Variants in RNF150 observed in about 807,000 individuals in gnomAD.
RNF150 encodes the protein ring finger protein 150.
RNF150 carries 24 observed loss-of-function variants against 39.3 expected under a neutral mutation model. That is an observed-to-expected ratio of 0.61 (90% CI 0.44 to 0.86). The LOEUF (loss-of-function observed/expected upper bound fraction) is 0.86. Among genes scored for constraint, RNF150 ranks in the 40% least tolerant of loss-of-function variants. The probability of loss-of-function intolerance (pLI) is 0.00; values close to 1 mark genes in which losing one functional copy is unlikely to be tolerated. For missense variants in RNF150, 502 were observed against 587.8 expected (o/e 0.85, Z 1.51); for synonymous variants, 255 against 227.3 (o/e 1.12, Z -1.10).
chr4:141,120,215 A>G (rs1328989596), intron 1 of RNF150, among the ~76,000 whole-genome samples: 2 of 152,236 alleles, frequency 1.3e-5, no homozygotes, highest in African/African-American at 4.8e-5. Flanking sequence ...TCTAGTAGTG[A>G]TAAGATAAGG....
intron 1 of RNF150, among the ~76,000 whole-genome samples, chr4:141,047,309 G>C (rs1736617907): frequency 1.3e-5 from 2 of 152,178 alleles, no homozygotes; most frequent in South Asian, 4.2e-4. Flanking sequence ...CCTACTGAAG[G>C]TATTTCGACC....
In RNF150 at chr4:140,861,449, G is replaced by A. The variant is rs921689441; in HGVS notation, c.*6812C>T. The A allele has an allele frequency of 7.9e-5, 12 of 152,144 alleles. No individual in the cohort carries two copies. The highest frequency in any genetic ancestry group is 7.2e-5 in the African/African-American group (3 of 41,434). 9.4% of individuals were successfully genotyped at this position (152,144 alleles called of 1,614,324 possible). On this transcript the variant is annotated 3_prime_UTR_variant, in exon 7 of 7. Transcript: ENST00000515673. ...AATGTAGACCAAATTCTCAACTACCGAAGAAATTGTATGATGAAAGGCAAG... is the reference window on the plus strand; with the variant it reads ...AATGTAGACCAAATTCTCAACTACCAAAGAAATTGTATGATGAAAGGCAAG...
At chr4:140,878,164 GTT>G (rs58338048) in intron 6 of RNF150, among the ~76,000 whole-genome samples, 1,227 of 90,424 alleles carry the variant, frequency 0.014, 12 homozygotes, top group African/African-American at 0.043. Context: ...ATCTCATTGT[GTT>G]TTTTTTTTTT....
rs145137157 is a variant in RNF150 at position 141,128,875 on chromosome 4, A to G, written c.484+3450T>C. On this transcript the variant is annotated intron_variant, in intron 1 of 6. Transcript: ENST00000515673. ...AGAAAAAAACAAGACTATGTTAAAA[A>G]GTAACAGTTAGTCATCAGGGAAATG... 6.5e-3 allele frequency among the ~76,000 whole-genome samples: 987 copies of G among 152,370 alleles called. 10 individuals carry two copies. The highest frequency in any genetic ancestry group is 0.022 in the African/African-American group (913 of 41,584).
chr4:140,887,571 G>C (rs374285502), intron 6 of RNF150, among the ~76,000 whole-genome samples: 1 of 152,056 alleles, frequency 6.6e-6, no homozygotes, highest in Non-Finnish European at 1.5e-5. Flanking sequence ...GTAGGTCGAC[G>C]CATCAACATT....
At chr4:141,148,888 G>T (rs1727248260) in intron 1 of RNF150, among the ~76,000 whole-genome samples, 7 of 152,168 alleles carry the variant, frequency 4.6e-5, no homozygotes, top group Non-Finnish European at 8.8e-5. Flanking sequence ...GCAGAAGGGG[G>T]TTGATTCCAT....
intron 1 of RNF150, among the ~76,000 whole-genome samples, chr4:141,123,902 T>C (rs1489395551): frequency 6.6e-6 from 1 of 152,234 alleles, no homozygotes; most frequent in Non-Finnish European, 1.5e-5. Context: ...TATGGCTGCA[T>C]AGTATTCCAT....
At chr4:141,133,815 G>T (rs1278513997), upstream of RNF150, among the ~76,000 whole-genome samples, 1 of 152,132 alleles carries the variant, frequency 6.6e-6, no homozygotes. Flanking sequence ...TGGTATTGAG[G>T]TCCTTCCAAA....
At chr4:141,048,965 C>G (rs1381790393) in intron 1 of RNF150, among the ~76,000 whole-genome samples, 1 of 152,130 alleles carries the variant, frequency 6.6e-6, no homozygotes, top group Non-Finnish European at 1.5e-5. Flanking sequence ...GTGAGAGCAG[C>G]AGTCAGGCCT....
chr4:141,051,380 A>G (rs1308408421), intron 1 of RNF150, among the ~76,000 whole-genome samples: 15 of 152,200 alleles, frequency 9.9e-5, no homozygotes, highest in Non-Finnish European at 2.1e-4. Context: ...TTCTCCTCAG[A>G]AAATGAGATT....
rs539616483 is a variant in RNF150, at chr4:141,061,734, A to G, written c.484+70591T>C. ...CTAAAGAGCACAGTAGCAACTACAC[A>G]CAAAAAAATTAAGACATAATATACT... On this transcript the variant is annotated intron_variant, in intron 1 of 6. Coordinates refer to ENST00000515673, the MANE Select transcript of RNF150 (RefSeq NM_020724.2). Among the ~76,000 whole-genome samples, 137 of 152,312 alleles carry G rather than the reference A, an allele frequency of 9.0e-4. 2 individuals are homozygous for G. The highest frequency in any genetic ancestry group is 3.0e-3 in the African/African-American group (123 of 41,586).
chr4:141,106,335 A>G (rs1195919496), intron 1 of RNF150, among the ~76,000 whole-genome samples: 1 of 152,228 alleles, frequency 6.6e-6, no homozygotes, highest in Non-Finnish European at 1.5e-5. Context: ...CACCTGGTAC[A>G]TAGTAGGTGT....
intron 1 of RNF150, among the ~76,000 whole-genome samples, chr4:141,162,321 G>T (rs535901550): frequency 9.1e-4 from 138 of 152,296 alleles, no homozygotes; most frequent in African/African-American, 3.2e-3. Context: ...GTAACCACTT[G>T]CATTTGGCTG....
At chr4:140,974,571 C>T (rs755711858) in intron 1 of RNF150, among the ~76,000 whole-genome samples, 5 of 152,140 alleles carry the variant, frequency 3.3e-5, no homozygotes, top group Admixed American at 2.0e-4. Context: ...TTCTAAGAAA[C>T]GGACAAACTG....
chr4:141,035,221 A>G (rs1043253931), intron 1 of RNF150, among the ~76,000 whole-genome samples: 1 of 152,192 alleles, frequency 6.6e-6, no homozygotes, highest in South Asian at 2.1e-4. Flanking sequence ...GTTTACTTAA[A>G]ATTAGGTTGT....
chr4:140,961,473 G>C (rs966802439), intron 2 of RNF150, among the ~76,000 whole-genome samples: 1 of 152,088 alleles, frequency 6.6e-6, no homozygotes, highest in Admixed American at 6.6e-5. Context: ...TTCAGGCTGT[G>C]AGCCTTCATC....
At chr4:141,197,691 A>G (rs1003026860) in intron 1 of RNF150, among the ~76,000 whole-genome samples, 1 of 152,074 alleles carries the variant, frequency 6.6e-6, no homozygotes, top group African/African-American at 2.4e-5. Flanking sequence ...ATCCTGGCTA[A>G]CATGGTGAAA....
At chr4:141,208,272 CAGA>C (rs1728407444) in intron 1 of RNF150, among the ~76,000 whole-genome samples, 1 of 152,140 alleles carries the variant, frequency 6.6e-6, no homozygotes, top group South Asian at 2.1e-4. Flanking sequence ...GAGAAGAGCA[CAGA>C]AGGAGAAATA....
chr4:141,066,089 C>A (rs2110932828), intron 1 of RNF150, among the ~76,000 whole-genome samples: 1 of 152,124 alleles, frequency 6.6e-6, no homozygotes, highest in South Asian at 2.1e-4. Flanking sequence ...CTCATCTGAT[C>A]CCAGTGTGTT....
Sources: gnomAD v4.1 joint callset for allele counts (sites outside exome capture counted in the v4.1 genomes callset) on GRCh38, gnomAD v4.1.1 for gene constraint, MANE v1.5 for transcripts, NCBI Gene and HGNC (gene_info 2026-07-23, HGNC 2026-07-21) for gene names.